Variants in TRHDE observed in about 807,000 individuals in gnomAD.
TRHDE encodes the protein thyrotropin releasing hormone degrading enzyme.
In TRHDE, 72 loss-of-function variants were observed where a neutral mutation model predicts 125.7. That is an observed-to-expected ratio of 0.57 (90% CI 0.47 to 0.70). The LOEUF (loss-of-function observed/expected upper bound fraction) is 0.70, where lower values mean the gene tolerates loss of function less well. TRHDE is among the 30% of genes least tolerant of loss of function. The pLI is 0.00. For synonymous variants in TRHDE, 509 were observed against 509.1 expected (o/e 1.00, Z 0.00); for missense variants, 1,110 against 1,327.1 (o/e 0.84, Z 2.54).
chr12:72,583,365 A>G (rs1871315058), intron 12 of TRHDE, among the ~76,000 whole-genome samples: 1 of 152,158 alleles, frequency 6.6e-6, no homozygotes, highest in South Asian at 2.1e-4. Context: ...GAATCGTTCC[A>G]GGAGCTTCAT....
intron 3 of TRHDE, among the ~76,000 whole-genome samples, chr12:72,426,883 A>C (rs1231210230): frequency 1.3e-5 from 2 of 152,132 alleles, no homozygotes; most frequent in East Asian, 3.9e-4. Context: ...TATTTTTATC[A>C]TTGCCAAACT....
chr12:72,609,828 T>C (rs986243818), intron 12 of TRHDE, among the ~76,000 whole-genome samples: 1 of 152,158 alleles, frequency 6.6e-6, no homozygotes, highest in African/African-American at 2.4e-5. Flanking sequence ...TATGGACCTT[T>C]AGGTTAATGA....
chr12:72,635,642 C>T (rs1451332813), intron 15 of TRHDE, among the ~76,000 whole-genome samples: 17 of 151,280 alleles, frequency 1.1e-4, no homozygotes, highest in Admixed American at 1.3e-4. Context: ...TTAGGTCTAA[C>T]GTTTAAGTCT....
chr12:72,248,085 G>A (rs1878609226), intron 2 of TRHDE, among the ~76,000 whole-genome samples: 1 of 152,076 alleles, frequency 6.6e-6, no homozygotes, highest in African/African-American at 2.4e-5. Flanking sequence ...ACATATGTAC[G>A]CACATATACA....
At chr12:72,474,210 T>C (rs1224826218) in intron 5 of TRHDE, among the ~76,000 whole-genome samples, 1 of 152,178 alleles carries the variant, frequency 6.6e-6, no homozygotes, top group Admixed American at 6.5e-5. Context: ...CACCACAGTC[T>C]ATGCCATAAA....
chr12:72,459,003 C>A (rs1876002174), intron 3 of TRHDE, among the ~76,000 whole-genome samples: 1 of 152,096 alleles, frequency 6.6e-6, no homozygotes, highest in Admixed American at 6.5e-5. Context: ...TATTATCTTA[C>A]AATTATGTAG....
chr12:72,652,499 C>T lies in TRHDE; in HGVS notation c.2843+10C>T. 3 of 1,572,786 alleles carry T rather than the reference C, an allele frequency of 1.9e-6. No individual in the cohort carries two copies. The highest frequency in any genetic ancestry group is 1.2e-5 in the South Asian group (1 of 85,762). On this transcript the variant is annotated intron_variant, in intron 16 of 18. Coordinates refer to ENST00000261180, the MANE Select transcript of TRHDE (RefSeq NM_013381.3). ...GGAATTTATTAAACAGGTAGGCCGA[C>T]TGATTTTCTAAATGTGTTTCTCTAA... is the stretch of plus-strand genomic sequence containing the variant.
chr12:72,090,683 T>C (rs1874769456), intron 1 of TRHDE, among the ~76,000 whole-genome samples: 1 of 152,192 alleles, frequency 6.6e-6, no homozygotes, highest in Non-Finnish European at 1.5e-5. Context: ...TATTTTTAAG[T>C]TAAATTAACC....
chr12:72,438,422 C>T (rs984158261), intron 3 of TRHDE, among the ~76,000 whole-genome samples: 4 of 151,902 alleles, frequency 2.6e-5, no homozygotes, highest in East Asian at 1.9e-4. Flanking sequence ...CTTTTCTCTA[C>T]GTGCTCACCA....
intron 5 of TRHDE, among the ~76,000 whole-genome samples, chr12:72,479,317 T>A (rs1368567743): frequency 6.6e-6 from 1 of 152,142 alleles, no homozygotes; most frequent in Non-Finnish European, 1.5e-5. Flanking sequence ...GATTCACAGT[T>A]GCTTGGGAAA....
intron 3 of TRHDE, among the ~76,000 whole-genome samples, chr12:72,463,261 G>T (rs540523303): frequency 6.6e-6 from 1 of 152,296 alleles, no homozygotes; most frequent in Non-Finnish European, 1.5e-5. Context: ...TAAAACTCTT[G>T]TCTTCCAGAA....
intron 7 of TRHDE, among the ~76,000 whole-genome samples, chr12:72,546,974 A>G (rs929759862): frequency 2.0e-5 from 3 of 151,716 alleles, no homozygotes; most frequent in Non-Finnish European, 4.4e-5. Context: ...CAGAACATAA[A>G]GTTGAACCTA....
intron 3 of TRHDE, among the ~76,000 whole-genome samples, chr12:72,420,973 T>A (rs2135826631): frequency 7.4e-6 from 1 of 135,100 alleles, no homozygotes; most frequent in East Asian, 2.0e-4. Flanking sequence ...ATTGGTATGA[T>A]TTTTTTTTTT....
At chr12:72,385,463 G>A (rs1872371106) in intron 3 of TRHDE, among the ~76,000 whole-genome samples, 1 of 151,944 alleles carries the variant, frequency 6.6e-6, no homozygotes, top group Non-Finnish European at 1.5e-5. Flanking sequence ...CCTATTTTAT[G>A]TAGGTAATTT....
intron 9 of TRHDE, among the ~76,000 whole-genome samples, chr12:72,564,580 G>T (rs1161606547): frequency 6.7e-6 from 1 of 150,286 alleles, no homozygotes; most frequent in African/African-American, 2.4e-5. Context: ...TTTCTCCAAG[G>T]CTGTATAAGC....
intron 2 of TRHDE, among the ~76,000 whole-genome samples, chr12:72,242,071 A>G (rs1205823220): frequency 6.6e-6 from 1 of 150,756 alleles, no homozygotes; most frequent in Non-Finnish European, 1.5e-5. Flanking sequence ...TAATTTAAAT[A>G]TACTTTCACC....
At chr12:72,594,356 A>C (rs533087866) in intron 12 of TRHDE, among the ~76,000 whole-genome samples, 3 of 151,884 alleles carry the variant, frequency 2.0e-5, no homozygotes, top group African/African-American at 7.2e-5. Flanking sequence ...GACCACTTCG[A>C]GAAACCCCGT....
At chr12:72,644,787 C>T (rs1278789282) in intron 15 of TRHDE, among the ~76,000 whole-genome samples, 25 of 152,050 alleles carry the variant, frequency 1.6e-4, no homozygotes, top group Admixed American at 1.6e-3. Flanking sequence ...TCTGGGGCAC[C>T]CCAAAGAATT....
intron 3 of TRHDE, among the ~76,000 whole-genome samples, chr12:72,424,389 C>T (rs1874097073): frequency 1.3e-5 from 2 of 152,134 alleles, no homozygotes; most frequent in Non-Finnish European, 2.9e-5. Context: ...TTGCTTCAAG[C>T]TACAAAGACC....
Sources: allele counts gnomAD v4.1 joint callset (sites outside exome capture counted in the v4.1 genomes callset), GRCh38; gene constraint gnomAD v4.1.1; transcripts MANE v1.5; gene names NCBI Gene and HGNC (gene_info 2026-07-23, HGNC 2026-07-21).